The following RENBP variants were observed in gnomAD, a reference collection of about 807,000 sequenced individuals.
The protein encoded by RENBP is renin binding protein.
RENBP carries 16 observed loss-of-function variants against 37.8 expected under a neutral mutation model. That is an observed-to-expected ratio of 0.42 (90% CI 0.29 to 0.64). The LOEUF (loss-of-function observed/expected upper bound fraction) is 0.64. Ranked by LOEUF, RENBP falls within the 30% of genes least tolerant of loss-of-function variation. The pLI is 0.19. For missense variants in RENBP, 347 were observed against 379.5 expected (o/e 0.91, Z 0.71); for synonymous variants, 170 against 154.8 (o/e 1.10, Z -0.73).
chrX:153,937,167 C>G (rs959457255), intron 9 of RENBP: 7 of 122,300 alleles, frequency 5.7e-5, no homozygotes, highest in African/African-American at 2.3e-4. Context: ...TGCCACTGCA[C>G]TCAGCCTGGG....
chrX:153,942,377 C>T, intron 6 of RENBP: 1 of 194,067 alleles, frequency 5.2e-6, no homozygotes, highest in Non-Finnish European at 9.4e-6. Flanking sequence ...GCTGGGATTA[C>T]AGGCATGCAC....
intron 9 of RENBP, among the ~76,000 whole-genome samples, chrX:153,939,109 A>G (rs2065216086): frequency 9.3e-6 from 1 of 107,972 alleles, no homozygotes; most frequent in Admixed American, 9.8e-5. Flanking sequence ...TTTTTGAGAC[A>G]TAGTCTCGCT....
At position 153,935,559 on chromosome X, in the gene RENBP, G is replaced by A; in HGVS notation, c.1095C>T (p.Tyr365=). Residue 365 remains tyrosine (Y), a synonymous_variant, in exon 10 of 11, where the codon TAC becomes TAT. Transcript: ENST00000393700. ...GGCTCAGGTAGCCAAACCATTCCCC[G>A]TACTCGGGATCGCGAAACTGGAATA... is the stretch of plus-strand genomic sequence containing the variant. ...YTFRQFRDPE[Y]GEWFGYLSRE... The A allele has an allele frequency of 8.3e-7, 1 of 1,209,621 alleles. No homozygotes were observed.
In RENBP at chrX:153,944,072, C is replaced by A. The variant is rs185635353; in HGVS notation, c.213+8G>T. 6.5e-5 allele frequency: 78 copies of A among 1,207,558 alleles called. No homozygotes were observed. The African/African-American group carries it at 1.3e-3, about 20-fold the overall frequency. On this transcript the variant is annotated splice_region_variant and intron_variant, in intron 3 of 10. Transcript: ENST00000393700. Reference sequence around the variant, plus strand: ...TGTGCCTGAGCTTCCAGGCTGGGAACACCATACCTGCCTCCCCTGCAGCCA... The same window carrying A: ...TGTGCCTGAGCTTCCAGGCTGGGAAAACCATACCTGCCTCCCCTGCAGCCA...
intron 9 of RENBP, among the ~76,000 whole-genome samples, chrX:153,938,793 T>G (rs1339881751): frequency 4.2e-4 from 38 of 91,190 alleles, no homozygotes; most frequent in East Asian, 7.4e-4. Flanking sequence ...TTTTTTTTTT[T>G]TTGTTTTTTT....
intron 7 of RENBP, 81 bp downstream of exon 7, chrX:153,941,869 C>T: frequency 1.1e-6 from 1 of 918,073 alleles, no homozygotes; most frequent in Non-Finnish European, 1.6e-6. Flanking sequence ...CCCCGCCAGG[C>T]ACTCCCATAT....
chrX:153,940,517 TCCATCTTAAACAGGAG>T (rs1557109359), intron 8 of RENBP, among the ~76,000 whole-genome samples: 2 of 111,777 alleles, frequency 1.8e-5, no homozygotes, highest in Non-Finnish European at 3.8e-5. Flanking sequence ...CCAGAGCAAC[TCCATCTTAAACAGGAG>T]CTGGGTCAAA....
Position 153,944,366 on chromosome X carries a change from T to C in RENBP, c.80A>G (p.Gln27Arg), listed in dbSNP as rs191364350. 8.8e-5 allele frequency: 106 copies of C among 1,210,037 alleles called. No individual in the cohort carries two copies. The highest frequency in any genetic ancestry group is 1.2e-4 in the Non-Finnish European group (106 of 895,001). The change falls in exon 2 of 11, where the codon CAG becomes CGG. Residue 27 changes from glutamine (Q) to arginine (R), a missense_variant. By Grantham distance (43) the Gln-to-Arg change is conservative (BLOSUM62 1). This residue lies in a region of RENBP where 244 missense variants were observed against 279.4 expected (regional missense o/e 0.87). Coordinates refer to ENST00000393700, the MANE Select transcript of RENBP (RefSeq NM_002910.6). ...TLQAWKERVG[Q>R]ELDRVVAFWM... ...GAAAGCCACCACGCGGTCCAGCTCCTGCCCCACGCGCTCCTTCCAGGCCTG... is the reference window on the plus strand; with the variant it reads ...GAAAGCCACCACGCGGTCCAGCTCCCGCCCCACGCGCTCCTTCCAGGCCTG...
At chrX:153,941,264 C>G (rs1244936967) in intron 8 of RENBP, among the ~76,000 whole-genome samples, 1 of 110,924 alleles carries the variant, frequency 9.0e-6, no homozygotes, top group Non-Finnish European at 1.9e-5. Flanking sequence ...GCATTGCGGA[C>G]TCGCCCTGAA....
intron 7 of RENBP, 24 bp downstream of exon 7, chrX:153,941,926 C>T (rs2065228277): frequency 7.3e-6 from 5 of 680,616 alleles, no homozygotes; most frequent in East Asian, 6.4e-5. Flanking sequence ...TCCTGGGTGG[C>T]CCCCAGCCCA....
At chrX:153,939,117 G>A (rs782282156) in intron 9 of RENBP, among the ~76,000 whole-genome samples, 1 of 104,001 alleles carries the variant, frequency 9.6e-6, no homozygotes, top group Non-Finnish European at 2.0e-5. Context: ...ACATAGTCTC[G>A]CTCTGTTGCC....
In RENBP at chrX:153,935,572, C is replaced by G. The variant is rs529444121; in HGVS notation, c.1082G>C (p.Arg361Pro). Residue 361 changes from arginine to proline, a missense_variant, in exon 10 of 11, where the codon CGC (arginine) becomes CCC (proline). Coordinates refer to ENST00000393700, the MANE Select transcript of RENBP (RefSeq NM_002910.6). ...AAACCATTCCCCGTACTCGGGATCG[C>G]GAAACTGGAATAACAGAGACAGTGA... The part of the protein sequence containing the change: ...QVAEYTFRQF[R>P]DPEYGEWFGY... The G allele has an allele frequency of 1.0e-5, 12 of 1,205,549 alleles. No individual in the cohort carries two copies. The African/African-American group carries it at 1.0e-4, about 10-fold the overall frequency.
At chrX:153,937,286 T>C (rs1167062426) in intron 9 of RENBP, 1 of 113,699 alleles carries the variant, frequency 8.8e-6, no homozygotes, top group Non-Finnish European at 1.9e-5. Flanking sequence ...TGAGTTACAT[T>C]GTTCAAGTCC....
rs782043892 is a variant in RENBP, at chrX:153,942,995, C to T, written c.547G>A (p.Ala183Thr). 8.3e-7 allele frequency: 1 copy of T among 1,207,081 alleles called. No individual in the cohort carries two copies. Among genetic ancestry groups the T allele is most frequent in the African/African-American group, 1.7e-5 (1 of 57,619 alleles). The change falls in exon 6 of 11, where the codon GCC becomes ACC. Residue 183 changes from alanine (A) to threonine (T), a missense_variant. By Grantham distance (58) the Ala-to-Thr change is moderately conservative. Transcript: ENST00000393700. ...ACCGCCATGGGCTCCGCAGCCGGGG[C>T]CCCCTGGAGCTGGGGCCGGCCCAGT... ...SGLGRPQLQG[A>T]PAAEPMAVPM... is the part of the protein sequence containing the mutation.
intron 8 of RENBP, 69 bp downstream of exon 8, chrX:153,941,409 G>T: frequency 8.9e-7 from 1 of 1,125,784 alleles, no homozygotes; most frequent in Non-Finnish European, 1.2e-6. Flanking sequence ...CTCTAGAGAA[G>T]CAACCACCTC....
chrX:153,944,356 G>A lies in RENBP; in HGVS notation c.90C>T (p.Asp30=). The A allele has an allele frequency of 2.5e-6, 3 of 1,211,381 alleles. No homozygotes were observed. The highest frequency in any genetic ancestry group is 3.4e-6 in the Non-Finnish European group (3 of 895,198). ...GCTCCATCCAGAAAGCCACCACGCG[G>A]TCCAGCTCCTGCCCCACGCGCTCCT... ...AWKERVGQEL[D]RVVAFWMEHS... Residue 30 remains aspartate (D), a synonymous_variant, in exon 2 of 11, where the codon GAC becomes GAT. Transcript: ENST00000393700.
chrX:153,941,680 CG>C (rs1480348061), intron 7 of RENBP, 27 bp from the exon 8 acceptor site: 3 of 346,213 alleles, frequency 8.7e-6, no homozygotes, highest in Non-Finnish European at 8.0e-6. Context: ...TACGGAAGGG[CG>C]GGGGGCGGGG....
Position 153,935,471 on chromosome X carries a change from G to T in RENBP, c.1165+18C>A. On this transcript the variant is annotated intron_variant, in intron 10 of 10. Transcript: ENST00000393700. ...CGAGAGGCGCAACCCCTGCGGCCCCGCCCTCTCCCCCACTCACCTTTGAAA... is the reference window on the plus strand; with the variant it reads ...CGAGAGGCGCAACCCCTGCGGCCCCTCCCTCTCCCCCACTCACCTTTGAAA... 1 of 1,185,368 alleles carries T rather than the reference G, an allele frequency of 8.4e-7. No homozygotes were observed. The highest frequency in any genetic ancestry group is 1.1e-6 in the Non-Finnish European group (1 of 874,116).
Position 153,943,582 on chromosome X carries a change from G to A in RENBP, c.426C>T (p.Asn142=), listed in dbSNP as rs782338378. The A allele has an allele frequency of 5.8e-6, 7 of 1,211,378 alleles. No homozygotes were observed. The highest frequency in any genetic ancestry group is 3.5e-5 in the South Asian group (2 of 57,009). ...CTTCCCCTGTGGCTCTCCACAGCTC[G>A]TTCATGGCCATGGTGTAGAAACACT... The part of the protein sequence containing the change: ...FSECFYTMAM[N]ELWRATGEVR... The change falls in exon 5 of 11, where the codon AAC becomes AAT. Residue 142 remains asparagine (N), a synonymous_variant. Transcript: ENST00000393700.
Sources: gnomAD v4.1 joint callset for allele counts (sites outside exome capture counted in the v4.1 genomes callset) on GRCh38, gnomAD v4.1.1 for gene constraint, gnomAD v4.1.1 regional missense constraint, MANE v1.5 for transcripts, NCBI Gene and HGNC (gene_info 2026-07-23, HGNC 2026-07-21) for gene names.